Variants in CUBN observed in about 807,000 individuals in gnomAD.
The protein encoded by CUBN is 460 kDa receptor.
CUBN carries 282 observed loss-of-function variants against 405.3 expected under a neutral mutation model. The observed-to-expected ratio is 0.70, with a 90% CI of 0.63 to 0.77. The LOEUF (loss-of-function observed/expected upper bound fraction) is 0.77. CUBN is among the 30% of genes least tolerant of loss of function. The pLI is 0.00. For synonymous variants in CUBN, 1,684 were observed against 1,617.0 expected (o/e 1.04, Z -0.99); for missense variants, 4,514 against 4,475.2 (o/e 1.01, Z -0.25).
rs979772169 is a variant in CUBN at position 17,046,000 on chromosome 10, T to C, written c.3424A>G (p.Lys1142Glu). The stretch of plus-strand genomic sequence containing the variant: ...GTGTCTATTTGGTCACTCTTAAATT[T>C]TAACCATAGTTTGTTACTATGAGAG... ...IISHSNKLWL[K>E]FKSDQIDTRS... The change falls in exon 24 of 67, where the codon AAA becomes GAA. Residue 1142 changes from lysine (K) to glutamate (E), a missense_variant. This residue lies in a region of CUBN where 1,448 missense variants were observed against 1,388.0 expected (regional missense o/e 1.04). Transcript: ENST00000377833. 1.1e-5 allele frequency: 18 copies of C among 1,613,912 alleles called. No individual in the cohort carries two copies. In the African/African-American group the frequency reaches 2.3e-4, roughly 20 times the overall value.
chr10:16,893,775 G>C (rs753916352), intron 54 of CUBN, among the ~76,000 whole-genome samples: 1 of 152,096 alleles, frequency 6.6e-6, no homozygotes, highest in Non-Finnish European at 1.5e-5. Flanking sequence ...CTGTTGAAAG[G>C]CCTTAGTGCT....
Position 17,114,040 on chromosome 10 carries a change from C to A in CUBN, c.870G>T (p.Gly290=). ...CFNTQGSFYC[G]ACPTGWQGNG... ...CTGAGAATGTACCTGTTGGACAGGC[C>A]CCACAGTAGAAAGAGCCTTGAGTGT... is the stretch of plus-strand genomic sequence containing the variant. Residue 290 remains glycine (G), a synonymous_variant, in exon 8 of 67, where the codon GGG becomes GGT. Transcript: ENST00000377833. 6.2e-7 allele frequency: 1 copy of A among 1,612,772 alleles called. No individual in the cohort carries two copies. The highest frequency in any genetic ancestry group is 8.5e-7 in the Non-Finnish European group (1 of 1,179,526).
chr10:17,049,658 G>C (rs905780686), intron 22 of CUBN, among the ~76,000 whole-genome samples: 2 of 152,086 alleles, frequency 1.3e-5, no homozygotes, highest in Non-Finnish European at 2.9e-5. Context: ...TACAGTTCTT[G>C]ATGTGTTCCA....
rs1428595666 is a variant in CUBN, at chr10:17,115,612, A to T, written c.594-15T>A. 1 of 1,614,168 alleles carries T rather than the reference A, an allele frequency of 6.2e-7. No individual in the cohort carries two copies. Among genetic ancestry groups the T allele is most frequent in the East Asian group, 2.2e-5 (1 of 44,880 alleles). On this transcript the variant is annotated splice_polypyrimidine_tract_variant and intron_variant, in intron 6 of 66. Coordinates refer to ENST00000377833, the MANE Select transcript of CUBN (RefSeq NM_001081.4). Reference sequence around the variant, plus strand: ...GGCAGTGACAACTGTTGGTTACACAAGAGCACAATGTCAGGGCACGCGCTT... The same window carrying T: ...GGCAGTGACAACTGTTGGTTACACATGAGCACAATGTCAGGGCACGCGCTT...
At chr10:17,019,599 C>T (rs1834438066) in intron 28 of CUBN, among the ~76,000 whole-genome samples, 1 of 152,180 alleles carries the variant, frequency 6.6e-6, no homozygotes, top group African/African-American at 2.4e-5. Flanking sequence ...TATTACTACA[C>T]CTACAATTAA....
At chr10:16,952,916 G>A (rs1842957003) in intron 32 of CUBN, among the ~76,000 whole-genome samples, 1 of 152,206 alleles carries the variant, frequency 6.6e-6, no homozygotes, top group Non-Finnish European at 1.5e-5. Flanking sequence ...CTTGGAGGGT[G>A]AGAAAAGGGA....
At position 17,129,265 on chromosome 10, in the gene CUBN, C is replaced by G. The variant is rs1239103042; in HGVS notation, c.123-15G>C. The G allele has an allele frequency of 6.2e-7, 1 of 1,613,026 alleles. No individual in the cohort carries two copies. The highest frequency in any genetic ancestry group is 2.2e-5 in the East Asian group (1 of 44,856). On this transcript the variant is annotated splice_polypyrimidine_tract_variant and intron_variant, in intron 1 of 66. Coordinates refer to ENST00000377833, the MANE Select transcript of CUBN (RefSeq NM_001081.4). ...CCATTCGAGGCCTATATAATTCAAA[C>G]GAGAGAATGCATCAGTAATTAGCAA...
chr10:16,852,890 A>G (rs1839761542), intron 59 of CUBN, among the ~76,000 whole-genome samples: 1 of 152,226 alleles, frequency 6.6e-6, no homozygotes, highest in Non-Finnish European at 1.5e-5. Flanking sequence ...GAGGCATTTA[A>G]CACTGCAGTC....
At chr10:16,901,104 T>G (rs1841350420) in intron 52 of CUBN, among the ~76,000 whole-genome samples, 1 of 152,186 alleles carries the variant, frequency 6.6e-6, no homozygotes, top group Non-Finnish European at 1.5e-5. Flanking sequence ...AGACGCAGAA[T>G]TATCTTCTGT....
intron 28 of CUBN, among the ~76,000 whole-genome samples, chr10:17,008,330 C>T (rs904686662): frequency 2.4e-5 from 3 of 126,494 alleles, no homozygotes; most frequent in Non-Finnish European, 5.1e-5. Context: ...TGTAGAGTCC[C>T]TCCCCGTGTG....
intron 43 of CUBN, among the ~76,000 whole-genome samples, chr10:16,921,090 T>C (rs1165069129): frequency 1.3e-5 from 2 of 152,218 alleles, no homozygotes; most frequent in African/African-American, 2.4e-5. Flanking sequence ...CCTGCAAATA[T>C]ATGTTCTCCC....
At position 16,915,944 on chromosome 10, in the gene CUBN, A is replaced by G. The variant is rs751672957; in HGVS notation, c.7087T>C (p.Cys2363Arg). 5 of 1,614,094 alleles carry G rather than the reference A, an allele frequency of 3.1e-6. No individual in the cohort carries two copies. The highest frequency in any genetic ancestry group is 4.2e-6 in the Non-Finnish European group (5 of 1,180,042). The change falls in exon 46 of 67, where the codon TGT (cysteine) becomes CGT (arginine). Residue 2363 changes from cysteine to arginine, a missense_variant. By Grantham distance (180) the Cys-to-Arg change is radical (BLOSUM62 -3). Coordinates refer to ENST00000377833, the MANE Select transcript of CUBN (RefSeq NM_001081.4). ...PTLPYRDNLF[C>R]EWHLQGLSGH... ...GAGAGCCCCTGGAGATGCCACTCAC[A>G]GAATAAGTTGTCTCTGTATGGAAGT...
intron 28 of CUBN, among the ~76,000 whole-genome samples, chr10:17,011,265 A>T (rs1355662742): frequency 6.6e-6 from 1 of 152,148 alleles, no homozygotes; most frequent in African/African-American, 2.4e-5. Flanking sequence ...CCTCACAGTG[A>T]GTGTTACAGT....
At chr10:16,880,457 C>T (rs561204730) in intron 56 of CUBN, among the ~76,000 whole-genome samples, 5 of 152,166 alleles carry the variant, frequency 3.3e-5, no homozygotes, top group East Asian at 3.9e-4. Flanking sequence ...GCCAGGCTGC[C>T]GTAAGGGAAA....
At chr10:17,036,127 T>A (rs1834892350) in intron 27 of CUBN, among the ~76,000 whole-genome samples, 1 of 152,210 alleles carries the variant, frequency 6.6e-6, no homozygotes, top group Non-Finnish European at 1.5e-5. Context: ...AGGGCTTGGC[T>A]ACACTGCCCT....
chr10:16,956,084 G>C (rs2131637074), intron 31 of CUBN, among the ~76,000 whole-genome samples: 1 of 152,280 alleles, frequency 6.6e-6, no homozygotes, highest in South Asian at 2.1e-4. Context: ...TAAAAATCTG[G>C]TGATGATTAT....
intron 31 of CUBN, among the ~76,000 whole-genome samples, chr10:16,979,958 A>G (rs2131690441): frequency 6.6e-6 from 1 of 152,364 alleles, no homozygotes; most frequent in East Asian, 1.9e-4. Flanking sequence ...CAAAGGGCTA[A>G]TATCCAGAAT....
intron 17 of CUBN, among the ~76,000 whole-genome samples, chr10:17,081,918 A>G (rs1333090213): frequency 6.6e-6 from 1 of 152,144 alleles, no homozygotes; most frequent in Non-Finnish European, 1.5e-5. Flanking sequence ...AAATCTATCT[A>G]TTAATATTTA....
chr10:16,888,269 A>G, intron 56 of CUBN, 148 bp downstream of exon 56: 3 of 665,592 alleles, frequency 4.5e-6, no homozygotes, highest in Non-Finnish European at 7.8e-6. Flanking sequence ...CCCCACAAAA[A>G]GTGCTAAGTA....
Sources: allele counts gnomAD v4.1 joint callset (sites outside exome capture counted in the v4.1 genomes callset), GRCh38; gene constraint gnomAD v4.1.1; regional missense constraint gnomAD v4.1.1; transcripts MANE v1.5; gene names NCBI Gene and HGNC (gene_info 2026-07-23, HGNC 2026-07-21).